The following SHANK2 variants were observed in gnomAD, a reference collection of about 807,000 sequenced individuals.
The protein encoded by SHANK2 is SH3 and multiple ankyrin repeat domains protein 2.
SHANK2 carries 43 observed loss-of-function variants against 133.7 expected under a neutral mutation model. That is an observed-to-expected ratio of 0.32 (90% CI 0.25 to 0.41). The LOEUF is 0.41. SHANK2 is among the 10% of genes least tolerant of loss of function. The pLI is 1.00. For synonymous variants in SHANK2, 1,017 were observed against 952.8 expected, an observed-to-expected ratio of 1.07 and a Z score of -1.24; for missense variants, 1,994 against 2,235.8, an observed-to-expected ratio of 0.89 and a Z score of 2.18.
At chr11:70,595,873 G>A (rs534798424) in intron 17 of SHANK2, among the ~76,000 whole-genome samples, 3 of 152,348 alleles carry the variant, frequency 2.0e-5, no homozygotes, top group South Asian at 2.1e-4. Context: ...GTTAAGGTAA[G>A]GTCATGCTGG....
intron 10 of SHANK2, among the ~76,000 whole-genome samples, chr11:70,928,202 C>T (rs1411436057): frequency 3.3e-5 from 5 of 152,140 alleles, no homozygotes; most frequent in Non-Finnish European, 7.3e-5. Context: ...GCATTGTCGC[C>T]GATACCTGTT....
intron 11 of SHANK2, among the ~76,000 whole-genome samples, chr11:70,840,745 G>A (rs1948890625): frequency 6.6e-6 from 1 of 152,194 alleles, no homozygotes; most frequent in Admixed American, 6.5e-5. Flanking sequence ...TCGGGAGGCT[G>A]GAGCCTGCAG....
chr11:70,496,139 G>A (rs2058967511), intron 21 of SHANK2, among the ~76,000 whole-genome samples: 3 of 152,174 alleles, frequency 2.0e-5, no homozygotes. Flanking sequence ...GCAGGTGGGT[G>A]TGGGAAGGCT....
intron 15 of SHANK2, among the ~76,000 whole-genome samples, chr11:70,690,488 G>GGT (rs1945259050): frequency 6.1e-5 from 2 of 32,802 alleles, no homozygotes; most frequent in Non-Finnish European, 1.0e-4. Context: ...TACTTCCCAT[G>GGT]TTTTTTTTTT....
intron 17 of SHANK2, among the ~76,000 whole-genome samples, chr11:70,649,359 G>A (rs948195289): frequency 3.3e-5 from 5 of 152,158 alleles, no homozygotes; most frequent in South Asian, 2.1e-4. Flanking sequence ...AGACCACAGC[G>A]GGGCTACCAT....
At chr11:70,771,641 G>A (rs1555042796) in intron 14 of SHANK2, among the ~76,000 whole-genome samples, 1 of 152,074 alleles carries the variant, frequency 6.6e-6, no homozygotes, top group African/African-American at 2.4e-5. Flanking sequence ...CCTGGAGGAG[G>A]GGCGTGGAGC....
At chr11:70,661,903 G>C in intron 15 of SHANK2, 1 of 1,240,296 alleles carries the variant, frequency 8.1e-7, no homozygotes, top group Non-Finnish European at 1.2e-6. Context: ...TTGCAGGGTG[G>C]GGGCAGGCAG....
At chr11:70,951,701 G>A (rs781914734) in intron 10 of SHANK2, among the ~76,000 whole-genome samples, 2 of 152,198 alleles carry the variant, frequency 1.3e-5, no homozygotes, top group Non-Finnish European at 2.9e-5. Context: ...TTAAACAATG[G>A]AAGTTTCTAC....
At chr11:71,098,939 G>T (rs1951672900) in intron 6 of SHANK2, among the ~76,000 whole-genome samples, 1 of 152,136 alleles carries the variant, frequency 6.6e-6, no homozygotes, top group African/African-American at 2.4e-5. Flanking sequence ...AAACCTGATG[G>T]ACACGAGCTC....
intron 10 of SHANK2, among the ~76,000 whole-genome samples, chr11:70,920,394 A>G (rs559746147): frequency 7.9e-4 from 121 of 152,328 alleles, no homozygotes; most frequent in African/African-American, 2.8e-3. Flanking sequence ...CACCCAGTCT[A>G]TTTTAAAAAA....
chr11:71,250,657 G>A (rs1555125691), intron 1 of SHANK2, among the ~76,000 whole-genome samples: 2 of 152,180 alleles, frequency 1.3e-5, no homozygotes, highest in African/African-American at 4.8e-5. Flanking sequence ...ATCGGCCCGG[G>A]GCTGTTCTGG....
At chr11:70,661,572 C>T in intron 16 of SHANK2, 24 bp downstream of exon 16, 8 of 1,589,090 alleles carry the variant, frequency 5.0e-6, no homozygotes, top group Non-Finnish European at 6.9e-6. Flanking sequence ...GGAACATATT[C>T]AGGCTCAGAG....
rs1396679648 is a variant in SHANK2, at chr11:70,485,128, T to G, written c.4979+186A>C. ...GTCCCACCAGGATGGCTGTGATCATTACTCGGCTATCCCGGAGTCCAGGAG... is the reference window on the plus strand; with the variant it reads ...GTCCCACCAGGATGGCTGTGATCATGACTCGGCTATCCCGGAGTCCAGGAG... On this transcript the variant is annotated intron_variant, in intron 25 of 25. Transcript: ENST00000601538. The surrounding 1 kb of genome is among the most constrained non-coding windows in gnomAD (Gnocchi z 5.8). 6.6e-6 allele frequency among the ~76,000 whole-genome samples: 1 copy of G among 152,198 alleles called. No individual in the cohort carries two copies. Among genetic ancestry groups the G allele is most frequent in the Non-Finnish European group, 1.5e-5 (1 of 68,020 alleles).
At chr11:70,932,013 A>T (rs1276292974) in intron 10 of SHANK2, among the ~76,000 whole-genome samples, 1 of 152,240 alleles carries the variant, frequency 6.6e-6, no homozygotes, top group Non-Finnish European at 1.5e-5. Context: ...AATTTCCATA[A>T]GCCCACTCTA....
intron 3 of SHANK2, among the ~76,000 whole-genome samples, chr11:71,138,576 G>A (rs1952492439): frequency 6.6e-6 from 1 of 151,972 alleles, no homozygotes; most frequent in African/African-American, 2.4e-5. Context: ...CAGCACTTTG[G>A]GAGGCTGAGG....
intron 10 of SHANK2, among the ~76,000 whole-genome samples, chr11:70,929,008 T>G (rs1950466619): frequency 6.6e-6 from 1 of 151,992 alleles, no homozygotes; most frequent in Non-Finnish European, 1.5e-5. Context: ...ACACGTGTCT[T>G]GTGGAGAGAG....
chr11:70,955,422 G>GGTGTGT (rs1186144718), intron 10 of SHANK2, among the ~76,000 whole-genome samples: 11,141 of 146,444 alleles, frequency 0.076, 1,077 homozygotes, highest in African/African-American at 0.23. Context: ...AGACCCACGG[G>GGTGTGT]GTGTGTGTGT....
At chr11:70,482,429 G>C (rs1433375199) in intron 25 of SHANK2, among the ~76,000 whole-genome samples, 1 of 152,230 alleles carries the variant, frequency 6.6e-6, no homozygotes, top group East Asian at 1.9e-4. Context: ...TGTTCGGTTT[G>C]CCAGTTGGTC....
chr11:70,603,168 C>T (rs1467240466), intron 17 of SHANK2: 2 of 152,358 alleles, frequency 1.3e-5, no homozygotes, highest in Non-Finnish European at 2.9e-5. Context: ...TCCCTTGGCT[C>T]AGGCCAGCAC....
Sources: allele counts gnomAD v4.1 joint callset (sites outside exome capture counted in the v4.1 genomes callset), GRCh38; gene constraint gnomAD v4.1.1; non-coding constraint Gnocchi (gnomAD v3.1); transcripts MANE v1.5; gene names NCBI Gene and HGNC (gene_info 2026-07-23, HGNC 2026-07-21).